Variants in POC1B observed in about 807,000 individuals in gnomAD.
The protein encoded by POC1B is POC1 centriolar protein B, also known as POC1 centriolar protein homolog B.
Under a neutral mutation model 60.6 loss-of-function variants are expected in POC1B, and 44 were observed. The observed-to-expected ratio is 0.73, with a 90% CI of 0.57 to 0.93. The LOEUF is 0.93. Ranked by LOEUF, POC1B falls within the 40% of genes least tolerant of loss-of-function variation. The pLI, the probability that POC1B is intolerant of heterozygous loss-of-function variation, is 0.00. For missense variants in POC1B, 555 were observed against 572.3 expected (o/e 0.97, Z 0.31); for synonymous variants, 180 against 198.9 (o/e 0.90, Z 0.80).
intron 10 of POC1B, chr12:89,427,977 A>G (rs1416769793): frequency 6.6e-6 from 1 of 152,220 alleles, no homozygotes; most frequent in East Asian, 1.9e-4. Flanking sequence ...ACTTATCTAC[A>G]TGGGTCTGCA....
chr12:89,431,875 C>A (rs1424055046), intron 10 of POC1B, among the ~76,000 whole-genome samples: 1 of 152,218 alleles, frequency 6.6e-6, no homozygotes, highest in Non-Finnish European at 1.5e-5. Context: ...TGTCAGTAAG[C>A]TGCATTCCTT....
chr12:89,455,341 A>G (rs1592598398), intron 10 of POC1B, among the ~76,000 whole-genome samples: 1 of 152,228 alleles, frequency 6.6e-6, no homozygotes, highest in Admixed American at 6.5e-5. Flanking sequence ...TGTCTCAAAA[A>G]AGAAAAGAAA....
chr12:89,499,458 C>T (rs918582136), intron 2 of POC1B, among the ~76,000 whole-genome samples: 1 of 151,980 alleles, frequency 6.6e-6, no homozygotes, highest in African/African-American at 2.4e-5. Context: ...ATGGAGTAAA[C>T]CCATGTAACA....
intron 4 of POC1B, among the ~76,000 whole-genome samples, chr12:89,481,283 C>G (rs1344165817): frequency 6.6e-6 from 1 of 152,216 alleles, no homozygotes; most frequent in Non-Finnish European, 1.5e-5. Context: ...ATTTCCAGTT[C>G]TGGCCATGGG....
At chr12:89,487,349 T>G (rs1342234599) in intron 4 of POC1B, among the ~76,000 whole-genome samples, 1 of 152,174 alleles carries the variant, frequency 6.6e-6, no homozygotes, top group Non-Finnish European at 1.5e-5. Context: ...CAGACAGAAG[T>G]GCAGAGTTCC....
intron 10 of POC1B, among the ~76,000 whole-genome samples, chr12:89,453,317 A>G (rs1400826994): frequency 6.6e-6 from 1 of 152,168 alleles, no homozygotes; most frequent in Non-Finnish European, 1.5e-5. Flanking sequence ...ATTTACTATC[A>G]TTTGCAGTTA....
rs181816570 is a variant in POC1B at position 89,491,362 on chromosome 12, C to G, written c.452+574G>C. ...TTACAGGCCCCTTGTAATAAAAGTG[C>G]TGGGAAAATCCAGCACTTTGGGAGG... On this transcript the variant is annotated intron_variant, in intron 4 of 11. Coordinates refer to ENST00000313546, the MANE Select transcript of POC1B (RefSeq NM_172240.3). Among the ~76,000 whole-genome samples, 241 of 152,050 alleles carry G rather than the reference C, an allele frequency of 1.6e-3. 1 individual carries two copies. Among genetic ancestry groups the G allele is most frequent in the Middle Eastern group, 0.01 (3 of 292 alleles).
chr12:89,473,112 T>G (rs1185894684), intron 4 of POC1B, among the ~76,000 whole-genome samples: 2 of 152,188 alleles, frequency 1.3e-5, no homozygotes. Context: ...ATTTTCACAG[T>G]AACAAAAACC....
rs368455726 is a variant in POC1B, at chr12:89,439,332, C to A, written c.1114-13953G>T. The stretch of plus-strand genomic sequence containing the variant: ...GGTCCTAAAGTAACACAAGCTCCCC[C>A]ACAGACACAGCCTTTGTATATATTC... On this transcript the variant is annotated intron_variant, in intron 10 of 11. Coordinates refer to ENST00000313546, the MANE Select transcript of POC1B (RefSeq NM_172240.3). 8.5e-5 allele frequency among the ~76,000 whole-genome samples: 13 copies of A among 152,306 alleles called. No homozygotes were observed. The South Asian group carries it at 2.3e-3, about 27-fold the overall frequency.
the POC1B span, among the ~76,000 whole-genome samples, chr12:89,407,644 C>G: frequency 6.6e-6 from 1 of 152,114 alleles, no homozygotes; most frequent in African/African-American, 2.4e-5. Flanking sequence ...TTTGTAACTT[C>G]AGCTAACCCA....
intron 7 of POC1B, among the ~76,000 whole-genome samples, chr12:89,468,738 G>A (rs1285081404): frequency 1.3e-5 from 2 of 151,968 alleles, no homozygotes; most frequent in Non-Finnish European, 2.9e-5. Flanking sequence ...ATTTATTTCT[G>A]CTTTACCCTA....
chr12:89,457,763 G>T (rs1882316350), intron 10 of POC1B, among the ~76,000 whole-genome samples: 1 of 152,110 alleles, frequency 6.6e-6, no homozygotes, highest in Non-Finnish European at 1.5e-5. Context: ...ATTATCCTTT[G>T]TGGATAATAA....
chr12:89,503,272 G>A (rs1342136270), intron 2 of POC1B, among the ~76,000 whole-genome samples: 1 of 152,170 alleles, frequency 6.6e-6, no homozygotes, highest in African/African-American at 2.4e-5. Context: ...GCGCCGCCAC[G>A]CCTGACTGGT....
chr12:89,456,572 T>A (rs1290415036), intron 10 of POC1B, among the ~76,000 whole-genome samples: 1 of 152,112 alleles, frequency 6.6e-6, no homozygotes, highest in Non-Finnish European at 1.5e-5. Context: ...ATAAAAAGAA[T>A]AAAGAGTAAG....
At chr12:89,432,671 G>A (rs1006378529) in intron 10 of POC1B, among the ~76,000 whole-genome samples, 1 of 152,180 alleles carries the variant, frequency 6.6e-6, no homozygotes, top group Non-Finnish European at 1.5e-5. Context: ...GTGTTATGAT[G>A]TAGCTATGCT....
intron 10 of POC1B, among the ~76,000 whole-genome samples, chr12:89,438,562 T>G (rs1378647378): frequency 1.3e-5 from 2 of 152,268 alleles, no homozygotes; most frequent in Admixed American, 1.3e-4. Flanking sequence ...CTTTTGGCAA[T>G]GCTGACTCCA....
rs776959129 is a variant in POC1B at position 89,497,134 on chromosome 12, A to G, written c.272+37T>C. On this transcript the variant is annotated intron_variant, in intron 3 of 11. Coordinates refer to ENST00000313546, the MANE Select transcript of POC1B (RefSeq NM_172240.3). ...GGTCAGCTTTCTTTCACATTTCCAA[A>G]TCCAAAGGATATCAAGTGTTTCTTT... 5.6e-6 allele frequency: 9 copies of G among 1,593,358 alleles called. No individual in the cohort carries two copies. In the South Asian group the frequency reaches 1.0e-4, roughly 18 times the overall value.
chr12:89,524,297 G>T, intron 2 of POC1B: 2 of 1,614,000 alleles, frequency 1.2e-6, no homozygotes, highest in Non-Finnish European at 1.7e-6. Flanking sequence ...TCCTCGTTGA[G>T]CTGGAGTTTG....
At chr12:89,503,509 A>G (rs10777174) in intron 2 of POC1B, among the ~76,000 whole-genome samples, 104,834 of 148,892 alleles carry the variant, frequency 0.7, 37,034 homozygotes, top group Middle Eastern at 0.81. Flanking sequence ...CCAAAGTGCC[A>G]AGACTGCAGC....
Sources: allele counts gnomAD v4.1 joint callset (sites outside exome capture counted in the v4.1 genomes callset), GRCh38; gene constraint gnomAD v4.1.1; transcripts MANE v1.5; gene names NCBI Gene and HGNC (gene_info 2026-07-23, HGNC 2026-07-21).